ISOC2: variants seen among roughly 807,000 people sequenced by gnomAD.
ISOC2 encodes the protein isochorismatase domain-containing protein 2.
A neutral mutation model predicts 19.3 loss-of-function variants in ISOC2; 15 were observed. The ratio of observed to expected loss-of-function variants is 0.78; its 90% CI spans 0.52 to 1.20. The LOEUF (loss-of-function observed/expected upper bound fraction) is 1.20. ISOC2 is among the 50% of genes most tolerant of loss of function. The pLI is 0.00. For missense variants in ISOC2, 285 were observed against 272.4 expected (o/e 1.05, Z -0.33); for synonymous variants, 106 against 115.8 (o/e 0.92, Z 0.54).
Position 55,455,650 on chromosome 19 carries a change from G to A in ISOC2, c.334C>T (p.Gln112Ter), listed in dbSNP as rs1280894834. 2 of 1,597,186 alleles carry A rather than the reference G, an allele frequency of 1.3e-6. No individual in the cohort carries two copies. Among genetic ancestry groups the A allele is most frequent in the East Asian group, 2.2e-5 (1 of 44,470 alleles). ...CAGCATCTCACCAAGATGCAGGCCT[G>A]TGCCTCAATGCCACAGAGCAGCACA... ...RSVLLCGIEA[Q>*]ACILNTTLDL... Residue 112 changes from glutamine to a stop codon, truncating the protein, a stop_gained, in exon 3 of 6, where the codon CAG (glutamine) becomes TAG (stop). Transcript: ENST00000425675. LOFTEE classifies it high-confidence loss of function.
chr19:55,460,834 A>C (rs1410584459), intron 1 of ISOC2, among the ~76,000 whole-genome samples: 1 of 152,250 alleles, frequency 6.6e-6, no homozygotes, highest in South Asian at 2.1e-4. Context: ...AAAAGGCCAG[A>C]GAGCAGGAGG....
chr19:55,458,683 A>G (rs1599884831), intron 1 of ISOC2, among the ~76,000 whole-genome samples: 1 of 151,796 alleles, frequency 6.6e-6, no homozygotes, highest in Non-Finnish European at 1.5e-5. Flanking sequence ...TTGTGCCACC[A>G]TGCCTGGCTA....
intron 1 of ISOC2, 51 bp from the exon 2 acceptor site, chr19:55,456,540 G>T: frequency 6.3e-7 from 1 of 1,597,760 alleles, no homozygotes; most frequent in Non-Finnish European, 8.5e-7. Context: ...TCCTCTCAGT[G>T]TCTCCAGCTG....
chr19:55,461,142 C>T (rs373790910), intron 1 of ISOC2, among the ~76,000 whole-genome samples: 1 of 151,360 alleles, frequency 6.6e-6, no homozygotes, highest in East Asian at 1.9e-4. Context: ...GGGGGCGTGG[C>T]TGGAGGTGGG....
intron 5 of ISOC2, chr19:55,454,227 C>G (rs953389866): frequency 6.5e-6 from 1 of 152,776 alleles, no homozygotes; most frequent in African/African-American, 2.4e-5. Flanking sequence ...CCTTCCCCGG[C>G]AGCTCAGAAT....
intron 1 of ISOC2, among the ~76,000 whole-genome samples, chr19:55,458,565 G>C (rs901500221): frequency 6.7e-6 from 1 of 148,870 alleles, no homozygotes; most frequent in Non-Finnish European, 1.5e-5. Flanking sequence ...GTCTTGCTCT[G>C]TCACCCAGGC....
In ISOC2 at chr19:55,455,774, G is replaced by T; in HGVS notation, c.210C>A (p.Pro70=). 6.4e-7 allele frequency: 1 copy of T among 1,572,766 alleles called. No individual in the cohort carries two copies. The highest frequency in any genetic ancestry group is 8.6e-7 in the Non-Finnish European group (1 of 1,159,184). Residue 70 remains proline (P), a synonymous_variant, in exon 3 of 6, where the codon CCC becomes CCA. Coordinates refer to ENST00000425675, the MANE Select transcript of ISOC2 (RefSeq NM_001136201.2). ...GCCGAAGGCCCTCAGTCCCCAGCTC[G>T]GGCACCGTGGGGCCCAGGCCTTGTG... ...QYPQGLGPTV[P]ELGTEGLRPL...
At position 55,456,937 on chromosome 19, in the gene ISOC2, C is replaced by A. The variant is rs151045712; in HGVS notation, c.-3-448G>T. Reference sequence around the variant, plus strand: ...ACCATCCGCCCTGGTCACCATCAGCCCCGGTTACTATCAGATCCCGGTTAC... The same window carrying A: ...ACCATCCGCCCTGGTCACCATCAGCACCGGTTACTATCAGATCCCGGTTAC... On this transcript the variant is annotated intron_variant, in intron 1 of 5. Coordinates refer to ENST00000425675, the MANE Select transcript of ISOC2 (RefSeq NM_001136201.2). Among the ~76,000 whole-genome samples, 1,188 of 152,256 alleles carry A rather than the reference C, an allele frequency of 7.8e-3. 8 individuals are homozygous for A. The highest frequency in any genetic ancestry group is 0.014 in the Middle Eastern group (4 of 292).
chr19:55,454,960 G>A (rs2123376138), intron 5 of ISOC2, 29 bp downstream of exon 5: 1 of 1,471,970 alleles, frequency 6.8e-7, no homozygotes, highest in Non-Finnish European at 9.5e-7. Flanking sequence ...CAGATGCAGG[G>A]GAGGTGGGGG....
At chr19:55,453,681 C>A (rs1377866124) in intron 5 of ISOC2, 2 of 231,330 alleles carry the variant, frequency 8.6e-6, no homozygotes, top group Non-Finnish European at 8.3e-6. Flanking sequence ...TAAGTAACCT[C>A]ATTTCTCCCA....
chr19:55,454,725 C>A, intron 5 of ISOC2: 1 of 526,738 alleles, frequency 1.9e-6, no homozygotes, highest in Non-Finnish European at 3.4e-6. Context: ...GGATGCCCCC[C>A]AGACCCTCCA....
intron 1 of ISOC2, among the ~76,000 whole-genome samples, chr19:55,459,531 G>C (rs1986169238): frequency 6.6e-6 from 1 of 152,078 alleles, no homozygotes; most frequent in Non-Finnish European, 1.5e-5. Context: ...AAAACACAAA[G>C]CTATTACTCC....
chr19:55,452,986 A>C lies in ISOC2; in HGVS notation c.*322T>G. On this transcript the variant is annotated 3_prime_UTR_variant, in exon 6 of 6. Coordinates refer to ENST00000425675, the MANE Select transcript of ISOC2 (RefSeq NM_001136201.2). ...CCCCAACCCAAGAATGGTTTGGTCC[A>C]CAGCCACATATATGTTTATTCTGCG... 1 of 187,222 alleles carries C rather than the reference A, an allele frequency of 5.3e-6. No individual in the cohort carries two copies. The highest frequency in any genetic ancestry group is 1.1e-5 in the Non-Finnish European group (1 of 94,510). The allele number at this position is 187,222 out of a possible 1,614,324, so 11.6% of individuals were successfully genotyped here.
At chr19:55,454,526 CAGTGGAG>C in intron 5 of ISOC2, 1 of 164,068 alleles carries the variant, frequency 6.1e-6, no homozygotes, top group African/African-American at 2.4e-5. Context: ...GCAGGGTGGC[CAGTGGAG>C]TCTGAGAAAC....
At position 55,453,187 on chromosome 19, in the gene ISOC2, C is replaced by A. The variant is rs114227024; in HGVS notation, c.*121G>T. Reference sequence around the variant, plus strand: ...TGGGAAGGCAGCACCCTGCCCCCCCCACAAGGGGGCGGCACTCCTGGTGGA... The same window carrying A: ...TGGGAAGGCAGCACCCTGCCCCCCCAACAAGGGGGCGGCACTCCTGGTGGA... On this transcript the variant is annotated 3_prime_UTR_variant, in exon 6 of 6. Transcript: ENST00000425675. 0.042 allele frequency: 26,511 copies of A among 628,270 alleles called. 712 individuals carry two copies. The highest frequency in any genetic ancestry group is 0.11 in the Middle Eastern group (367 of 3,232). The allele number at this position is 628,270 out of a possible 1,614,324, so 38.9% of individuals were successfully genotyped here. A position where few individuals can be genotyped will look rare whatever the true frequency, so the allele number is the denominator to read the frequency against.
Position 55,453,233 on chromosome 19 carries a change from A to C in ISOC2, c.*75T>G. 9.2e-7 allele frequency: 1 copy of C among 1,088,206 alleles called. No homozygotes were observed. The allele number at this position is 1,088,206 out of a possible 1,614,324, so 67.4% of individuals were successfully genotyped here. A position where few individuals can be genotyped will look rare whatever the true frequency, so the allele number is the denominator to read the frequency against. The stretch of plus-strand genomic sequence containing the variant: ...GTGGATCGCACCACTCTTGGGATCC[A>C]GGGATGGGGGGAACGGGCTTCCACT... On this transcript the variant is annotated 3_prime_UTR_variant, in exon 6 of 6. Coordinates refer to ENST00000425675, the MANE Select transcript of ISOC2 (RefSeq NM_001136201.2).
Position 55,453,393 on chromosome 19 carries a change from A to C in ISOC2, c.538-5T>G. The C allele has an allele frequency of 6.3e-7, 1 of 1,598,278 alleles. No individual in the cohort carries two copies. The highest frequency in any genetic ancestry group is 1.1e-5 in the South Asian group (1 of 88,526). On this transcript the variant is annotated splice_region_variant and splice_polypyrimidine_tract_variant and intron_variant, in intron 5 of 5. Transcript: ENST00000425675. ...CTCCTTGATGAGTTTCTGGATCTGTAAGGGCAGGGGGCGATGGGTCAGGAA... is the reference window on the plus strand; with the variant it reads ...CTCCTTGATGAGTTTCTGGATCTGTCAGGGCAGGGGGCGATGGGTCAGGAA...
intron 3 of ISOC2, 46 bp downstream of exon 3, chr19:55,455,590 G>A: frequency 6.8e-7 from 1 of 1,464,590 alleles, no homozygotes; most frequent in Non-Finnish European, 9.2e-7. Context: ...TAGGATGGGG[G>A]TCCCAGGTTA....
intron 1 of ISOC2, among the ~76,000 whole-genome samples, chr19:55,457,456 G>A (rs1986095903): frequency 6.6e-6 from 1 of 151,098 alleles, no homozygotes; most frequent in African/African-American, 2.4e-5. Flanking sequence ...ATCGCTTGAA[G>A]CCCAGGAGGC....
Sources: allele counts gnomAD v4.1 joint callset (sites outside exome capture counted in the v4.1 genomes callset), GRCh38; gene constraint gnomAD v4.1.1; transcripts MANE v1.5; gene names NCBI Gene and HGNC (gene_info 2026-07-23, HGNC 2026-07-21).